Variants in GRM1 observed in about 807,000 individuals in gnomAD.
GRM1 encodes glutamate metabotropic receptor 1.
A neutral mutation model predicts 90.9 loss-of-function variants in GRM1; 33 were observed. The ratio of observed to expected loss-of-function variants is 0.36; its 90% CI spans 0.28 to 0.49. GRM1 has a LOEUF of 0.49. Ranked by LOEUF, GRM1 falls within the 20% of genes least tolerant of loss-of-function variation. The probability of loss-of-function intolerance (pLI) is 0.99; values close to 1 mark genes in which losing one functional copy is unlikely to be tolerated. For synonymous variants in GRM1, 700 were observed against 613.2 expected (o/e 1.14, Z -2.09); for missense variants, 1,190 against 1,534.3 (o/e 0.78, Z 3.75).
intron 2 of GRM1, among the ~76,000 whole-genome samples, chr6:146,175,483 A>G (rs911754498): frequency 1.3e-5 from 2 of 152,212 alleles, no homozygotes; most frequent in African/African-American, 4.8e-5. Flanking sequence ...GGACATGTCT[A>G]TATAGATGGT....
chr6:146,043,041 T>A (rs1009179272), intron 1 of GRM1, among the ~76,000 whole-genome samples: 2 of 151,848 alleles, frequency 1.3e-5, no homozygotes, highest in Non-Finnish European at 2.9e-5. Flanking sequence ...CTCATGCATA[T>A]AATAGCAGCA....
chr6:146,374,742 T>G (rs1399961547), intron 5 of GRM1, among the ~76,000 whole-genome samples: 1 of 152,102 alleles, frequency 6.6e-6, no homozygotes, highest in African/African-American at 2.4e-5. Context: ...GATTTTTATT[T>G]ATTTGGATCT....
chr6:146,167,536 C>T (rs1273543038), intron 2 of GRM1, among the ~76,000 whole-genome samples: 2 of 152,266 alleles, frequency 1.3e-5, no homozygotes, highest in South Asian at 2.1e-4. Flanking sequence ...AATTCCTCCA[C>T]ATCTTCACCA....
chr6:146,253,617 A>G (rs997581168), intron 2 of GRM1, among the ~76,000 whole-genome samples: 2 of 152,184 alleles, frequency 1.3e-5, no homozygotes, highest in Non-Finnish European at 2.9e-5. Flanking sequence ...AAATCAATGA[A>G]AAGATCAGCA....
In GRM1 at chr6:146,029,690, C is replaced by G. The variant is rs1455857096; in HGVS notation, c.173C>G (p.Pro58Arg). ...CTCTTCTCAGTCCATCACCAGCCTCCGGCCGAGAAAGTGCCCGAGAGGAAG... is the reference window on the plus strand; with the variant it reads ...CTCTTCTCAGTCCATCACCAGCCTCGGGCCGAGAAAGTGCCCGAGAGGAAG... Reference protein sequence around the residue: ...GALFSVHHQPPAEKVPERKCG... With the variant: ...GALFSVHHQPRAEKVPERKCG... The change falls in exon 1 of 8, where the codon CCG becomes CGG. Residue 58 changes from proline (P) to arginine (R), a missense_variant. Transcript: ENST00000282753. 6.2e-7 allele frequency: 1 copy of G among 1,614,120 alleles called. No homozygotes were observed.
intron 6 of GRM1, among the ~76,000 whole-genome samples, chr6:146,390,093 TA>T (rs1776661838): frequency 6.6e-6 from 1 of 152,120 alleles, no homozygotes. Flanking sequence ...CACTAAATAT[TA>T]GTTAAAATGA....
intron 2 of GRM1, 98 bp downstream of exon 2, chr6:146,159,695 A>C: frequency 1.6e-6 from 2 of 1,231,610 alleles, no homozygotes; most frequent in Non-Finnish European, 1.2e-6. Context: ...GCTTTCACAA[A>C]ACTAGACTTG....
intron 2 of GRM1, among the ~76,000 whole-genome samples, chr6:146,179,269 C>T (rs58301551): frequency 0.12 from 18,788 of 152,054 alleles, 2,115 homozygotes; most frequent in African/African-American, 0.29. Flanking sequence ...GCCATGCCCC[C>T]GCTGGAAAAG....
intron 2 of GRM1, among the ~76,000 whole-genome samples, chr6:146,303,276 G>A (rs867906539): frequency 1.3e-5 from 2 of 152,114 alleles, no homozygotes; most frequent in African/African-American, 4.8e-5. Context: ...GGCAGAGACT[G>A]CATCTTTATA....
At chr6:146,180,830 T>C (rs1297746460) in intron 2 of GRM1, among the ~76,000 whole-genome samples, 3 of 152,142 alleles carry the variant, frequency 2.0e-5, no homozygotes. Context: ...AAATAGTGCT[T>C]CTCTAATATG....
intron 2 of GRM1, among the ~76,000 whole-genome samples, chr6:146,276,275 T>C (rs900802423): frequency 1.3e-5 from 2 of 152,178 alleles, no homozygotes; most frequent in Non-Finnish European, 2.9e-5. Flanking sequence ...TATGTGATTT[T>C]AGTAATATAA....
chr6:146,250,226 G>A (rs1163472294), intron 2 of GRM1, among the ~76,000 whole-genome samples: 5 of 152,194 alleles, frequency 3.3e-5, no homozygotes, highest in Admixed American at 6.5e-5. Flanking sequence ...GGCATGATTG[G>A]CTTTGAAATG....
intron 3 of GRM1, among the ~76,000 whole-genome samples, chr6:146,324,335 C>G (rs117098573): frequency 6.6e-6 from 1 of 152,144 alleles, no homozygotes. Flanking sequence ...GAGCTCTGTG[C>G]GGGTGGCATC....
chr6:146,188,906 A>T (rs1778838171), intron 2 of GRM1, among the ~76,000 whole-genome samples: 1 of 152,236 alleles, frequency 6.6e-6, no homozygotes, highest in Admixed American at 6.5e-5. Flanking sequence ...CACGTTTTTT[A>T]TCAGTTTTCT....
At chr6:146,404,737 T>C (rs1238800049) in intron 7 of GRM1, among the ~76,000 whole-genome samples, 1 of 152,136 alleles carries the variant, frequency 6.6e-6, no homozygotes, top group Non-Finnish European at 1.5e-5. Flanking sequence ...GAGTATAGAA[T>C]ATAGATAATG....
At chr6:146,178,660 G>A (rs1245264857) in intron 2 of GRM1, among the ~76,000 whole-genome samples, 1 of 152,138 alleles carries the variant, frequency 6.6e-6, no homozygotes, top group African/African-American at 2.4e-5. Context: ...TTGGATTTTG[G>A]ATTAGGAATG....
intron 2 of GRM1, among the ~76,000 whole-genome samples, chr6:146,245,152 A>G (rs1419174216): frequency 6.6e-6 from 1 of 152,226 alleles, no homozygotes; most frequent in Non-Finnish European, 1.5e-5. Flanking sequence ...AACAATTGAA[A>G]ATATAAATTT....
rs1296796232 is a variant in GRM1 at position 146,052,765 on chromosome 6, C to T, written c.700+22548C>T. On this transcript the variant is annotated intron_variant, in intron 1 of 7. Coordinates refer to ENST00000282753, the MANE Select transcript of GRM1 (RefSeq NM_001278064.2). ...AATCCCTTCTCTATATAAAGTATAA[C>T]CCTTCCCCTTTCACTTTCTATCCTG... Among the ~76,000 whole-genome samples, 3 of 151,810 alleles carry T rather than the reference C, an allele frequency of 2.0e-5. No homozygotes were observed. The East Asian group carries it at 5.8e-4, about 30-fold the overall frequency.
At chr6:146,327,591 T>G (rs765131501) in intron 3 of GRM1, among the ~76,000 whole-genome samples, 4 of 152,198 alleles carry the variant, frequency 2.6e-5, no homozygotes, top group Non-Finnish European at 5.9e-5. Context: ...TCTTTGAGGT[T>G]AGCCAAGGTC....
Sources: allele counts gnomAD v4.1 joint callset (sites outside exome capture counted in the v4.1 genomes callset), GRCh38; gene constraint gnomAD v4.1.1; transcripts MANE v1.5; gene names NCBI Gene and HGNC (gene_info 2026-07-23, HGNC 2026-07-21).